ADGRB3: variants seen among roughly 807,000 people sequenced by gnomAD.
The protein encoded by ADGRB3 is adhesion G protein-coupled receptor B3, also known as brain-specific angiogenesis inhibitor 3.
In ADGRB3, 37 loss-of-function variants were observed where a neutral mutation model predicts 193.4. That is an observed-to-expected ratio of 0.19 (90% confidence interval 0.15 to 0.25). The LOEUF (loss-of-function observed/expected upper bound fraction) is 0.25. ADGRB3 is among the 10% of genes least tolerant of loss of function. The pLI is 1.00. For synonymous variants in ADGRB3, 690 were observed against 644.2 expected, an observed-to-expected ratio of 1.07 and a Z score of -1.08; for missense variants, 1,637 against 1,852.9, an observed-to-expected ratio of 0.88 and a Z score of 2.14.
chr6:69,215,266 G>GT (rs1765752346), intron 17 of ADGRB3, among the ~76,000 whole-genome samples: 2 of 152,086 alleles, frequency 1.3e-5, no homozygotes, highest in Non-Finnish European at 2.9e-5. Context: ...TTATACTGAG[G>GT]TTATGCCAAA....
intron 3 of ADGRB3, among the ~76,000 whole-genome samples, chr6:68,713,211 G>T (rs1765434085): frequency 6.6e-6 from 1 of 151,826 alleles, no homozygotes; most frequent in Admixed American, 6.6e-5. Flanking sequence ...AGAGATCAAT[G>T]GATTAGGCAC....
intron 20 of ADGRB3, among the ~76,000 whole-genome samples, chr6:69,246,697 T>C (rs1274864671): frequency 1.3e-5 from 2 of 152,144 alleles, no homozygotes; most frequent in Non-Finnish European, 2.9e-5. Flanking sequence ...GCAAAGAAGA[T>C]GAAAGTGGAA....
chr6:68,743,866 C>G (rs1195289259), intron 3 of ADGRB3, among the ~76,000 whole-genome samples: 2 of 151,938 alleles, frequency 1.3e-5, no homozygotes, highest in African/African-American at 4.8e-5. Flanking sequence ...AATCATAGCG[C>G]TAATGTGTAG....
At chr6:68,812,755 A>G (rs1046857528) in intron 3 of ADGRB3, among the ~76,000 whole-genome samples, 3 of 151,722 alleles carry the variant, frequency 2.0e-5, no homozygotes, top group African/African-American at 7.3e-5. Flanking sequence ...TACACGTGCC[A>G]TGGTGGTTTG....
chr6:69,085,466 C>T (rs1582449638), intron 17 of ADGRB3, among the ~76,000 whole-genome samples: 1 of 151,914 alleles, frequency 6.6e-6, no homozygotes, highest in African/African-American at 2.4e-5. Flanking sequence ...TCTTAATTTT[C>T]TAATGTCTGT....
chr6:69,351,317 A>G (rs1769221855), intron 26 of ADGRB3, among the ~76,000 whole-genome samples: 1 of 150,734 alleles, frequency 6.6e-6, no homozygotes, highest in African/African-American at 2.4e-5. Flanking sequence ...CTGGTCTCGA[A>G]CTCCTGACCT....
chr6:68,661,060 T>A (rs1372623845), intron 3 of ADGRB3, among the ~76,000 whole-genome samples: 2 of 150,410 alleles, frequency 1.3e-5, no homozygotes, highest in African/African-American at 4.9e-5. Flanking sequence ...GTTCAATGAT[T>A]TTATATACAA....
chr6:68,882,387 TGTTGGG>T (rs1765757212), intron 3 of ADGRB3, among the ~76,000 whole-genome samples: 1 of 152,246 alleles, frequency 6.6e-6, no homozygotes, highest in African/African-American at 2.4e-5. Context: ...TCTCATTTCC[TGTTGGG>T]AATTTTCCAT....
At chr6:69,369,302 C>T (rs1769655814) in intron 29 of ADGRB3, among the ~76,000 whole-genome samples, 1 of 152,242 alleles carries the variant, frequency 6.6e-6, no homozygotes. Context: ...CTTTCCAATA[C>T]ACTGTATGTA....
chr6:68,776,379 T>C (rs1766747461), intron 3 of ADGRB3, among the ~76,000 whole-genome samples: 1 of 152,184 alleles, frequency 6.6e-6, no homozygotes, highest in East Asian at 1.9e-4. Flanking sequence ...AAGTTTCATA[T>C]GCCTTGTGGC....
intron 3 of ADGRB3, among the ~76,000 whole-genome samples, chr6:68,815,603 TTGTGTGTGTGTG>T (rs5877170): frequency 4.4e-5 from 6 of 137,198 alleles, no homozygotes; most frequent in African/African-American, 1.3e-4. Flanking sequence ...CCATCAAAAA[TTGTGTGTGTGTG>T]TGTGTGTGTG....
chr6:68,803,699 C>T (rs1312532483), intron 3 of ADGRB3, among the ~76,000 whole-genome samples: 2 of 152,146 alleles, frequency 1.3e-5, no homozygotes, highest in Non-Finnish European at 2.9e-5. Context: ...TTTCCTCAAA[C>T]CAATGCCATG....
chr6:68,883,939 G>A (rs1353195467), intron 3 of ADGRB3, among the ~76,000 whole-genome samples: 1 of 152,022 alleles, frequency 6.6e-6, no homozygotes, highest in African/African-American at 2.4e-5. Flanking sequence ...ATAATTTAAG[G>A]GTACTTCCAA....
chr6:68,973,240 T>A (rs1768640786), intron 8 of ADGRB3, among the ~76,000 whole-genome samples: 1 of 144,208 alleles, frequency 6.9e-6, no homozygotes, highest in South Asian at 2.1e-4. Flanking sequence ...CCACCAGCTC[T>A]GTCTCCTTAG....
intron 3 of ADGRB3, among the ~76,000 whole-genome samples, chr6:68,777,405 T>A (rs534699419): frequency 6.6e-6 from 1 of 152,246 alleles, no homozygotes; most frequent in African/African-American, 2.4e-5. Flanking sequence ...TTTGGCAAAT[T>A]ATTTTTCCTG....
chr6:68,956,834 A>G, intron 8 of ADGRB3, 25 bp downstream of exon 8: 1 of 1,592,836 alleles, frequency 6.3e-7, no homozygotes, highest in Non-Finnish European at 8.6e-7. Context: ...AAATTATCCC[A>G]AAAGAAACAT....
intron 17 of ADGRB3, among the ~76,000 whole-genome samples, chr6:69,164,567 G>C (rs563062852): frequency 1.1e-3 from 165 of 152,176 alleles, no homozygotes; most frequent in Non-Finnish European, 1.6e-4. Flanking sequence ...TATTATTAAA[G>C]GTAAGAAGGC....
intron 6 of ADGRB3, among the ~76,000 whole-genome samples, chr6:68,948,241 A>T (rs1183974322): frequency 2.6e-5 from 4 of 152,064 alleles, no homozygotes; most frequent in Non-Finnish European, 5.9e-5. Flanking sequence ...TATGCTACTG[A>T]TGTTTTCTGA....
Position 68,871,133 on chromosome 6 carries a change from G to C in ADGRB3, c.758-59426G>C, listed in dbSNP as rs146516063. ...CCCAGCATATAAAAGATCAGAGACA[G>C]AAATGATAAAAAAAGAATTGTTTTA... On this transcript the variant is annotated intron_variant, in intron 3 of 31. Transcript: ENST00000370598. 4.9e-4 allele frequency among the ~76,000 whole-genome samples: 74 copies of C among 152,230 alleles called. 1 individual carries two copies. The highest frequency in any genetic ancestry group is 1.7e-3 in the African/African-American group (70 of 41,544).
Sources: allele counts gnomAD v4.1 joint callset (sites outside exome capture counted in the v4.1 genomes callset), GRCh38; gene constraint gnomAD v4.1.1; transcripts MANE v1.5; gene names NCBI Gene and HGNC (gene_info 2026-07-23, HGNC 2026-07-21).